Variants in CCN5 observed in about 807,000 individuals in gnomAD.
CCN5 encodes CCN family member 5.
Under a neutral mutation model 18.7 loss-of-function variants are expected in CCN5, and 17 were observed. The observed-to-expected ratio is 0.91, with a 90% confidence interval of 0.62 to 1.36. The LOEUF is 1.36. Ranked by LOEUF, CCN5 falls within the 40% of genes most tolerant of loss-of-function variation. The pLI, the probability that CCN5 is intolerant of heterozygous loss-of-function variation, is 0.00. For missense variants in CCN5, 367 were observed against 342.9 expected (o/e 1.07, Z -0.56); for synonymous variants, 135 against 145.2 (o/e 0.93, Z 0.50).
chr20:44,724,674 G>T (rs2065922427), intron 2 of CCN5, 64 bp from the exon 3 acceptor site: 1 of 1,603,332 alleles, frequency 6.2e-7, no homozygotes, highest in Admixed American at 1.8e-5. Context: ...GATCTGGGCA[G>T]CTCTGCAGAG....
chr20:44,720,053 A>T lies in CCN5; in HGVS notation c.217A>T (p.Ser73Cys). 1 of 1,591,668 alleles carries T rather than the reference A, an allele frequency of 6.3e-7. No homozygotes were observed. Among genetic ancestry groups the T allele is most frequent in the Non-Finnish European group, 8.5e-7 (1 of 1,174,142 alleles). Residue 73 changes from serine to cysteine, a missense_variant, in exon 2 of 4, where the codon AGC becomes TGC. Coordinates refer to ENST00000190983, the MANE Select transcript of CCN5 (RefSeq NM_003881.4). ...PCDQLHVCDA[S>C]QGLVCQPGAG... is the part of the protein sequence containing the mutation. ...CGACCAACTCCACGTCTGCGACGCC[A>T]GCCAGGGCCTGGTCTGCCAGCCCGG...
In CCN5 at chr20:44,715,408, G is replaced by T. The variant is rs1295739990; in HGVS notation, c.18G>T (p.Lys6Asn). MRGTP[K>N]THLLAFSLLC... ...CAGGGGACATGAGAGGCACACCGAA[G>T]ACCCACCTCCTGGCCTTCTCCCTCC... Residue 6 changes from lysine to asparagine, a missense_variant, in exon 1 of 4, where the codon AAG (lysine) becomes AAT (asparagine). Transcript: ENST00000190983. 2 of 1,603,784 alleles carry T rather than the reference G, an allele frequency of 1.2e-6. No homozygotes were observed. Among genetic ancestry groups the T allele is most frequent in the Non-Finnish European group, 8.5e-7 (1 of 1,175,558 alleles).
chr20:44,721,168 CT>C (rs1031761543), intron 2 of CCN5: 4 of 151,926 alleles, frequency 2.6e-5, no homozygotes, highest in African/African-American at 7.3e-5. Context: ...GAGAGAGAAG[CT>C]CATGAATCAT....
At chr20:44,720,172 T>C (rs960178657) in intron 2 of CCN5, 59 bp downstream of exon 2, 2 of 1,507,626 alleles carry the variant, frequency 1.3e-6, no homozygotes, top group African/African-American at 2.8e-5. Context: ...AAGGCCGTGG[T>C]GTCCTGGATC....
chr20:44,715,320 A>G, upstream of CCN5: 2 of 1,476,614 alleles, frequency 1.4e-6, no homozygotes, highest in Non-Finnish European at 1.8e-6. Flanking sequence ...CCTGGGAGTG[A>G]CCTCACAGCT....
chr20:44,725,092 C>G, intron 3 of CCN5, 100 bp downstream of exon 3: 2 of 1,400,854 alleles, frequency 1.4e-6, no homozygotes, highest in South Asian at 1.6e-5. Context: ...TACCAGGACC[C>G]AGGGACACAT....
chr20:44,722,521 G>GC (rs1471753858), intron 2 of CCN5, among the ~76,000 whole-genome samples: 5 of 142,396 alleles, frequency 3.5e-5, no homozygotes, highest in African/African-American at 1.3e-4. Flanking sequence ...AGGCTGGTGT[G>GC]CAGTGGCAGG....
At chr20:44,718,445 T>C (rs2065875404) in intron 1 of CCN5, among the ~76,000 whole-genome samples, 3 of 152,102 alleles carry the variant, frequency 2.0e-5, no homozygotes, top group Non-Finnish European at 2.9e-5. Context: ...CCTACTAAAC[T>C]CAAACTTGGC....
At position 44,718,044 on chromosome 20, in the gene CCN5, G is replaced by A. The variant is rs1030550137; in HGVS notation, c.61-1853G>A. On this transcript the variant is annotated intron_variant, in intron 1 of 3. Coordinates refer to ENST00000190983, the MANE Select transcript of CCN5 (RefSeq NM_003881.4). Reference sequence around the variant, plus strand: ...TAGTTCAGACCACACCTTGAGGGGCGAGGCTAGGCCATCGTCTCTAGAATC... The same window carrying A: ...TAGTTCAGACCACACCTTGAGGGGCAAGGCTAGGCCATCGTCTCTAGAATC... 7.9e-5 allele frequency among the ~76,000 whole-genome samples: 12 copies of A among 152,280 alleles called. No homozygotes were observed. In the South Asian group the frequency reaches 2.5e-3, roughly 32 times the overall value.
At chr20:44,715,657 T>A (rs1348899573) in intron 1 of CCN5, among the ~76,000 whole-genome samples, 2 of 152,218 alleles carry the variant, frequency 1.3e-5, no homozygotes, top group Non-Finnish European at 2.9e-5. Context: ...CTCAGATATG[T>A]GTCTTGCCTT....
intron 1 of CCN5, among the ~76,000 whole-genome samples, chr20:44,717,811 G>A (rs1371284967): frequency 1.3e-5 from 2 of 150,882 alleles, no homozygotes; most frequent in East Asian, 2.0e-4. Context: ...CCTGGGAGGC[G>A]AAGGTTGCAG....
At chr20:44,715,281 G>A (rs1297062155), upstream of CCN5, 21 of 763,908 alleles carry the variant, frequency 2.7e-5, 1 homozygote, top group African/African-American at 1.5e-4. Context: ...GCGCGCGCGC[G>A]TGTGTACTCG....
rs977012109 is a variant in CCN5, at chr20:44,727,807, C to A, written c.*500C>A. 2 of 180,922 alleles carry A rather than the reference C, an allele frequency of 1.1e-5. No homozygotes were observed. Among genetic ancestry groups the A allele is most frequent in the African/African-American group, 2.3e-5 (1 of 42,694 alleles). 11.2% of individuals were successfully genotyped at this position (180,922 alleles called of 1,614,324 possible). ...AATTGTTCCTGAATACAAGCCTATG[C>A]GTGATCTTGTGTGTCAGGCCTGTGT... On this transcript the variant is annotated 3_prime_UTR_variant, in exon 4 of 4. Transcript: ENST00000190983.
At chr20:44,724,219 C>T (rs909596340) in intron 2 of CCN5, 2 of 152,716 alleles carry the variant, frequency 1.3e-5, no homozygotes, top group East Asian at 1.9e-4. Flanking sequence ...TAAGCCCTGA[C>T]CTGACAGTGA....
In CCN5 at chr20:44,727,174, C is replaced by A. The variant is rs144828511; in HGVS notation, c.620C>A (p.Thr207Asn). The change falls in exon 4 of 4, where the codon ACC (threonine) becomes AAC (asparagine). Residue 207 changes from threonine (T) to asparagine (N), a missense_variant. Coordinates refer to ENST00000190983, the MANE Select transcript of CCN5 (RefSeq NM_003881.4). Reference sequence around the variant, plus strand: ...ACGGCCTGGGGACCCTGCTCGACCACCTGTGGGCTGGGCATGGCCACCCGG... The same window carrying A: ...ACGGCCTGGGGACCCTGCTCGACCAACTGTGGGCTGGGCATGGCCACCCGG... ...WSTAWGPCST[T>N]CGLGMATRVS... is the part of the protein sequence containing the mutation. 7 of 1,613,898 alleles carry A rather than the reference C, an allele frequency of 4.3e-6. No individual in the cohort carries two copies. In the African/African-American group the frequency reaches 5.3e-5, roughly 12 times the overall value.
At chr20:44,721,086 C>A (rs1356421062) in intron 2 of CCN5, 6 of 151,998 alleles carry the variant, frequency 3.9e-5, no homozygotes, top group African/African-American at 1.5e-4. Context: ...TAATAATAAG[C>A]CTTGTAGAAC....
intron 1 of CCN5, among the ~76,000 whole-genome samples, chr20:44,716,997 A>G (rs1360214949): frequency 6.6e-6 from 1 of 151,636 alleles, no homozygotes; most frequent in African/African-American, 2.4e-5. Context: ...TGCCCAAAAA[A>G]CTCCATGCCC....
At position 44,719,931 on chromosome 20, in the gene CCN5, G is replaced by C. The variant is rs755279694; in HGVS notation, c.95G>C (p.Cys32Ser). Residue 32 changes from cysteine (C) to serine (S), a missense_variant, in exon 2 of 4, where the codon TGC (cysteine) becomes TCC (serine). Transcript: ENST00000190983. ...RTQLCPTPCT[C>S]PWPPPRCPLG... ...CAGCTGTGCCCGACACCATGTACCT[G>C]CCCCTGGCCACCTCCCCGATGCCCG... 2.2e-5 allele frequency: 35 copies of C among 1,613,792 alleles called. No homozygotes were observed. The African/African-American group carries it at 2.7e-4, about 12-fold the overall frequency.
chr20:44,722,378 C>A (rs545379258), intron 2 of CCN5, among the ~76,000 whole-genome samples: 1 of 152,180 alleles, frequency 6.6e-6, no homozygotes, highest in Admixed American at 6.5e-5. Flanking sequence ...AGAACGGCCT[C>A]CCCAGTCTGT....
Sources: allele counts gnomAD v4.1 joint callset (sites outside exome capture counted in the v4.1 genomes callset), GRCh38; gene constraint gnomAD v4.1.1; transcripts MANE v1.5; gene names NCBI Gene and HGNC (gene_info 2026-07-23, HGNC 2026-07-21).